The following MPHOSPH9 variants were observed in gnomAD, a reference collection of about 807,000 sequenced individuals.
MPHOSPH9 encodes M-phase phosphoprotein 9.
A neutral mutation model predicts 145.5 loss-of-function variants in MPHOSPH9; 88 were observed. That is an observed-to-expected ratio of 0.60 (90% CI 0.51 to 0.72). The LOEUF is 0.72. Ranked by LOEUF, MPHOSPH9 falls within the 30% of genes least tolerant of loss-of-function variation. The pLI is 0.00. For missense variants in MPHOSPH9, 1,238 were observed against 1,386.6 expected (o/e 0.89, Z 1.70); for synonymous variants, 435 against 486.2 (o/e 0.89, Z 1.39).
At chr12:123,182,249 G>GTTT (rs72067812) in intron 13 of MPHOSPH9, among the ~76,000 whole-genome samples, 192 of 137,204 alleles carry the variant, frequency 1.4e-3, no homozygotes, top group South Asian at 3.2e-3. Context: ...TTTTTTTTGT[G>GTTT]TTTTTTTTTT....
intron 13 of MPHOSPH9, among the ~76,000 whole-genome samples, chr12:123,186,447 T>A (rs1377039979): frequency 6.6e-6 from 1 of 152,172 alleles, no homozygotes; most frequent in Non-Finnish European, 1.5e-5. Context: ...AGGGTTTTCA[T>A]TGTATCATTC....
intron 11 of MPHOSPH9, among the ~76,000 whole-genome samples, 171 bp from the exon 12 acceptor site, chr12:123,198,505 T>A (rs1427346726): frequency 6.6e-6 from 1 of 152,030 alleles, no homozygotes; most frequent in African/African-American, 2.4e-5. Flanking sequence ...AATAATATAG[T>A]ATGTAGAGAA....
At chr12:123,175,414 A>C (rs1057027641) in intron 16 of MPHOSPH9, among the ~76,000 whole-genome samples, 2 of 152,062 alleles carry the variant, frequency 1.3e-5, no homozygotes, top group Non-Finnish European at 2.9e-5. Context: ...CGGCCTCCCA[A>C]ACTGCTGGGA....
Position 123,163,952 on chromosome 12 carries a change from G to A in MPHOSPH9, c.2906C>T (p.Pro969Leu), listed in dbSNP as rs778363317. 3 of 1,614,002 alleles carry A rather than the reference G, an allele frequency of 1.9e-6. No homozygotes were observed. In the East Asian group the frequency reaches 6.7e-5, roughly 36 times the overall value. The change falls in exon 19 of 24, where the codon CCA (proline) becomes CTA (leucine). Residue 969 changes from proline to leucine, a missense_variant and splice_region_variant. By Grantham distance (98) the Pro-to-Leu change is moderately conservative. Transcript: ENST00000606320. ...LPPSNRKSST[P>L]TKREIMLTPV... ...AGATGTACACATCTAACTCTTACTTGGAGTACTTGATTTACGATTTGAAGG... is the reference window on the plus strand; with the variant it reads ...AGATGTACACATCTAACTCTTACTTAGAGTACTTGATTTACGATTTGAAGG...
intron 12 of MPHOSPH9, among the ~76,000 whole-genome samples, chr12:123,197,994 G>T (rs2046046454): frequency 6.7e-6 from 1 of 150,184 alleles, no homozygotes; most frequent in Non-Finnish European, 1.5e-5. Flanking sequence ...TGAGGCAGGA[G>T]AATGGCGTGA....
upstream of MPHOSPH9, among the ~76,000 whole-genome samples, chr12:123,237,386 C>T (rs2047868216): frequency 6.6e-6 from 1 of 152,158 alleles, no homozygotes; most frequent in African/African-American, 2.4e-5. Context: ...GCCAAGATCA[C>T]GCCATTGCAC....
chr12:123,189,619 GA>G (rs1430980522), intron 13 of MPHOSPH9, among the ~76,000 whole-genome samples: 2 of 152,078 alleles, frequency 1.3e-5, no homozygotes, highest in African/African-American at 4.8e-5. Context: ...TCTCACAAGT[GA>G]AAAAAGTTGC....
chr12:123,208,112 GGAGGCT>G (rs1157866121), intron 8 of MPHOSPH9, among the ~76,000 whole-genome samples: 7 of 147,328 alleles, frequency 4.8e-5, no homozygotes, highest in African/African-American at 1.8e-4. Flanking sequence ...CAGCTACTCA[GGAGGCT>G]GAGGCAGGAG....
At chr12:123,200,033 T>C (rs1367288547) in intron 11 of MPHOSPH9, among the ~76,000 whole-genome samples, 1 of 152,138 alleles carries the variant, frequency 6.6e-6, no homozygotes, top group African/African-American at 2.4e-5. Flanking sequence ...TGTGTGTTAA[T>C]TGTATTTGAC....
chr12:123,223,280 C>T (rs1009430098), intron 3 of MPHOSPH9, among the ~76,000 whole-genome samples, 153 bp from the exon 4 acceptor site: 13 of 152,102 alleles, frequency 8.5e-5, no homozygotes, highest in African/African-American at 3.1e-4. Flanking sequence ...TATGCTGGCG[C>T]GCCACACCAA....
At position 123,230,288 on chromosome 12, in the gene MPHOSPH9, GAATGAAGAGA is replaced by G. The variant is rs1565981794; in HGVS notation, c.67_76del (p.Ser23LeufsTer4). The G allele has an allele frequency of 6.5e-7, 1 of 1,531,100 alleles. No homozygotes were observed. The highest frequency in any genetic ancestry group is 8.7e-7 in the Non-Finnish European group (1 of 1,143,204). The allele number at this position is 1,531,100 out of a possible 1,614,324, so 94.8% of individuals were successfully genotyped here. A position where few individuals can be genotyped will look rare whatever the true frequency, so the allele number is the denominator to read the frequency against. On this transcript the variant is annotated frameshift_variant, in exon 2 of 24. Transcript: ENST00000606320. LOFTEE classifies it high-confidence loss of function. Reference sequence around the variant, plus strand: ...ATCAGTATTTAAGTTCAGTCCAAGAGAATGAAGAGAATTTTCATCAGATCCTACAGAAGAT... The same window carrying G: ...ATCAGTATTTAAGTTCAGTCCAAGAGATTTTCATCAGATCCTACAGAAGAT...
At position 123,202,215 on chromosome 12, in the gene MPHOSPH9, T is replaced by C. The variant is rs958688481; in HGVS notation, c.1886A>G (p.Glu629Gly). 2.5e-6 allele frequency: 4 copies of C among 1,613,206 alleles called. No individual in the cohort carries two copies. The highest frequency in any genetic ancestry group is 3.4e-6 in the Non-Finnish European group (4 of 1,179,818). ...NSLKQKLEAK[E>G]ISGVEDWKIT... ...CTTCCAATCTTCAACTCCAGAGATT[T>C]CTTTTGCCTCCAGCTTCTGTTTCAA... Residue 629 changes from glutamate to glycine, a missense_variant, in exon 11 of 24, where the codon GAA becomes GGA. Glu to Gly is a moderately conservative substitution (Grantham distance 98). Around this residue, in one of 3 missense-constraint regions of MPHOSPH9, gnomAD observed 837 missense variants for 897.5 expected, o/e 0.93. Coordinates refer to ENST00000606320, the MANE Select transcript of MPHOSPH9 (RefSeq NM_022782.4).
chr12:123,176,870 C>T, intron 15 of MPHOSPH9, 81 bp from the exon 16 acceptor site: 1 of 1,107,598 alleles, frequency 9.0e-7, no homozygotes, highest in South Asian at 1.3e-5. Context: ...ATTTAACAGA[C>T]CCTCCTAAAA....
intron 16 of MPHOSPH9, among the ~76,000 whole-genome samples, chr12:123,169,498 TAA>T (rs763030103): frequency 2.9e-5 from 4 of 137,978 alleles, no homozygotes; most frequent in African/African-American, 2.7e-5. Flanking sequence ...GACTCCGTCT[TAA>T]AAAAAAAAAA....
chr12:123,197,899 C>T (rs562424372), intron 12 of MPHOSPH9, among the ~76,000 whole-genome samples: 24 of 151,204 alleles, frequency 1.6e-4, no homozygotes, highest in South Asian at 4.2e-4. Flanking sequence ...CTGGCTAACA[C>T]GGTGAAACCC....
chr12:123,211,252 T>C (rs898062357), intron 7 of MPHOSPH9, among the ~76,000 whole-genome samples: 1 of 152,196 alleles, frequency 6.6e-6, no homozygotes, highest in Non-Finnish European at 1.5e-5. Context: ...CCCAAAGTGC[T>C]GGGAAAACAG....
intron 1 of MPHOSPH9, among the ~76,000 whole-genome samples, chr12:123,231,398 G>T (rs1593257605): frequency 6.6e-6 from 1 of 152,174 alleles, no homozygotes; most frequent in Non-Finnish European, 1.5e-5. Flanking sequence ...AAGAAGAACT[G>T]AACTACTTAA....
At chr12:123,165,198 T>C (rs1179456761) in intron 18 of MPHOSPH9, 104 bp downstream of exon 18, 1 of 1,152,780 alleles carries the variant, frequency 8.7e-7, no homozygotes, top group East Asian at 2.4e-5. Context: ...TTTACAGAGC[T>C]AAAACTTTTA....
At chr12:123,218,044 CAAA>C (rs34652752) in intron 6 of MPHOSPH9, among the ~76,000 whole-genome samples, 2 of 113,824 alleles carry the variant, frequency 1.8e-5, no homozygotes, top group Non-Finnish European at 1.8e-5. Context: ...GACTCCATCT[CAAA>C]AAAAAAAAAA....
Sources: allele counts gnomAD v4.1 joint callset (sites outside exome capture counted in the v4.1 genomes callset), GRCh38; gene constraint gnomAD v4.1.1; regional missense constraint gnomAD v4.1.1; transcripts MANE v1.5; gene names NCBI Gene and HGNC (gene_info 2026-07-23, HGNC 2026-07-21).